DOCK7: variants seen among roughly 807,000 people sequenced by gnomAD.
DOCK7 encodes the protein dedicator of cytokinesis protein 7.
Under a neutral mutation model 271.0 loss-of-function variants are expected in DOCK7, and 138 were observed. That is an observed-to-expected ratio of 0.51 (90% confidence interval 0.44 to 0.59). The LOEUF is 0.59. Ranked by LOEUF, DOCK7 falls within the 20% of genes least tolerant of loss-of-function variation. DOCK7 has a pLI of 0.00. For missense variants in DOCK7, 2,066 were observed against 2,592.4 expected (o/e 0.80, Z 4.41); for synonymous variants, 823 against 876.1 (o/e 0.94, Z 1.07).
chr1:62,509,668 T>C (rs1038539082), intron 34 of DOCK7, among the ~76,000 whole-genome samples: 6 of 152,188 alleles, frequency 3.9e-5, no homozygotes, highest in Admixed American at 2.6e-4. Context: ...AATATATTTA[T>C]ATTACATTCA....
chr1:62,500,482 A>G (rs1646749320), intron 37 of DOCK7, among the ~76,000 whole-genome samples: 1 of 152,130 alleles, frequency 6.6e-6, no homozygotes. Context: ...AACCCCAAAC[A>G]CAGGAACAAA....
intron 7 of DOCK7, among the ~76,000 whole-genome samples, chr1:62,639,166 A>C (rs1655661924): frequency 6.6e-6 from 1 of 152,052 alleles, no homozygotes. Context: ...TTTTTAAATA[A>C]AGTTCTTCAA....
At chr1:62,647,403 A>T (rs1277429061) in intron 7 of DOCK7, among the ~76,000 whole-genome samples, 1 of 152,200 alleles carries the variant, frequency 6.6e-6, no homozygotes, top group Non-Finnish European at 1.5e-5. Context: ...TTAGCTTCAT[A>T]CATAGGTTTG....
chr1:62,584,218 C>A, intron 15 of DOCK7: 1 of 983,174 alleles, frequency 1.0e-6, no homozygotes, highest in African/African-American at 1.7e-5. Flanking sequence ...CAAGCAGGCT[C>A]TTTTATTTTA....
Position 62,487,406 on chromosome 1 carries a change from C to T in DOCK7, c.5500G>A (p.Gly1834Ser). Residue 1834 changes from glycine (G) to serine (S), a missense_variant, in exon 43 of 50, where the codon GGC becomes AGC. By Grantham distance (56) the Gly-to-Ser change is moderately conservative. Coordinates refer to ENST00000635253, the MANE Select transcript of DOCK7 (RefSeq NM_001367561.1). Reference sequence around the variant, plus strand: ...ACTAAAACATTACCTACCTCCCAGCCAGTACTCTGTATAATAAAAAGTAAA... The same window carrying T: ...ACTAAAACATTACCTACCTCCCAGCTAGTACTCTGTATAATAAAAAGTAAA... ...AFSKIVHQST[G>S]WERMFGTYFR... 1 of 1,610,944 alleles carries T rather than the reference C, an allele frequency of 6.2e-7. No individual in the cohort carries two copies. The highest frequency in any genetic ancestry group is 8.5e-7 in the Non-Finnish European group (1 of 1,177,906).
intron 33 of DOCK7, among the ~76,000 whole-genome samples, chr1:62,512,045 A>G (rs1357409261): frequency 1.3e-5 from 2 of 152,208 alleles, no homozygotes; most frequent in African/African-American, 4.8e-5. Context: ...CCAAAAGTAC[A>G]CTGTAAATTG....
intron 38 of DOCK7, chr1:62,495,951 G>T: frequency 2.6e-6 from 1 of 381,118 alleles, no homozygotes; most frequent in Non-Finnish European, 4.6e-6. Flanking sequence ...GAGGGATATG[G>T]GAAATACAAG....
intron 14 of DOCK7, among the ~76,000 whole-genome samples, chr1:62,616,248 A>G (rs10889349): frequency 0.42 from 63,837 of 151,400 alleles, 15,274 homozygotes; most frequent in African/African-American, 0.66. Context: ...GTATGAGCGC[A>G]TTACTCAATT....
At chr1:62,661,545 T>C (rs2149713162) in intron 2 of DOCK7, among the ~76,000 whole-genome samples, 1 of 152,216 alleles carries the variant, frequency 6.6e-6, no homozygotes, top group South Asian at 2.1e-4. Context: ...TTCAGCGTTT[T>C]TTGCCCAGAT....
chr1:62,601,231 AT>A (rs1188558496), intron 14 of DOCK7: 1 of 1,363,918 alleles, frequency 7.3e-7, no homozygotes, highest in Non-Finnish European at 1.0e-6. Flanking sequence ...TCTTGAAGCT[AT>A]TATTATCAAA....
chr1:62,672,923 C>T (rs975129073), intron 1 of DOCK7, among the ~76,000 whole-genome samples: 1 of 151,996 alleles, frequency 6.6e-6, no homozygotes, highest in African/African-American at 2.4e-5. Context: ...TTTCACAGGT[C>T]AGTTAAAGAT....
intron 31 of DOCK7, among the ~76,000 whole-genome samples, chr1:62,525,166 T>C (rs1426783471): frequency 6.6e-6 from 1 of 151,216 alleles, no homozygotes; most frequent in African/African-American, 2.4e-5. Flanking sequence ...CCACCATGTC[T>C]GGCTAATTTT....
At chr1:62,592,024 TC>T (rs1201399510) in intron 14 of DOCK7, among the ~76,000 whole-genome samples, 2 of 152,142 alleles carry the variant, frequency 1.3e-5, no homozygotes, top group Non-Finnish European at 2.9e-5. Context: ...GAGTTTAGAT[TC>T]CAGGTTAAAT....
chr1:62,596,313 A>G (rs186011618), intron 14 of DOCK7, among the ~76,000 whole-genome samples: 3 of 152,258 alleles, frequency 2.0e-5, no homozygotes, highest in African/African-American at 7.2e-5. Flanking sequence ...TTGGACCCAC[A>G]CCACAGTCTG....
chr1:62,561,924 T>G (rs1416978433), intron 18 of DOCK7, among the ~76,000 whole-genome samples: 2 of 151,454 alleles, frequency 1.3e-5, no homozygotes, highest in African/African-American at 4.9e-5. Flanking sequence ...CATAAAATAA[T>G]GCACACAAAA....
chr1:62,580,898 T>C (rs544038093), intron 16 of DOCK7, among the ~76,000 whole-genome samples: 5 of 152,308 alleles, frequency 3.3e-5, no homozygotes, highest in Middle Eastern at 3.4e-3. Flanking sequence ...GTGAAAATAA[T>C]ATGAAATTCA....
At chr1:62,572,844 G>T (rs981362783) in intron 18 of DOCK7, among the ~76,000 whole-genome samples, 1 of 152,058 alleles carries the variant, frequency 6.6e-6, no homozygotes, top group East Asian at 1.9e-4. Flanking sequence ...ACTTGCCCAG[G>T]GTCACACAAT....
intron 7 of DOCK7, among the ~76,000 whole-genome samples, chr1:62,645,724 C>T (rs1036272421): frequency 3.3e-5 from 5 of 152,156 alleles, no homozygotes; most frequent in African/African-American, 7.2e-5. Flanking sequence ...CCACATAATA[C>T]GTGAATTATA....
chr1:62,642,956 A>G (rs889235474), intron 7 of DOCK7, among the ~76,000 whole-genome samples: 3 of 152,186 alleles, frequency 2.0e-5, no homozygotes, highest in African/African-American at 7.2e-5. Context: ...AATTCAGGCT[A>G]CCCTTGTGAT....
Sources: gnomAD v4.1 joint callset for allele counts (sites outside exome capture counted in the v4.1 genomes callset) on GRCh38, gnomAD v4.1.1 for gene constraint, MANE v1.5 for transcripts, NCBI Gene and HGNC (gene_info 2026-07-23, HGNC 2026-07-21) for gene names.